The following CDH18 variants were observed in gnomAD, a reference collection of about 807,000 sequenced individuals.
CDH18 encodes the protein cadherin 18.
A neutral mutation model predicts 67.9 loss-of-function variants in CDH18; 31 were observed. The ratio of observed to expected loss-of-function variants is 0.46; its 90% confidence interval spans 0.34 to 0.62. CDH18 has a LOEUF of 0.62. CDH18 is among the 20% of genes least tolerant of loss of function. The probability of loss-of-function intolerance (pLI) is 0.01; values close to 1 mark genes in which losing one functional copy is unlikely to be tolerated. For missense variants in CDH18, 890 were observed against 975.5 expected (o/e 0.91, Z 1.17); for synonymous variants, 362 against 347.2 (o/e 1.04, Z -0.48).
chr5:19,600,343 T>C (rs753258674), intron 6 of CDH18, among the ~76,000 whole-genome samples: 4 of 151,622 alleles, frequency 2.6e-5, no homozygotes, highest in East Asian at 1.9e-4. Flanking sequence ...AACTTAAAAG[T>C]ATAATAATTA....
intron 1 of CDH18, among the ~76,000 whole-genome samples, chr5:20,270,436 A>T (rs1410958717): frequency 6.6e-6 from 1 of 152,112 alleles, no homozygotes; most frequent in Non-Finnish European, 1.5e-5. Context: ...AATGATACAT[A>T]ATTTCACACC....
chr5:19,653,774 T>A (rs910054623), intron 5 of CDH18, among the ~76,000 whole-genome samples: 1 of 152,144 alleles, frequency 6.6e-6, no homozygotes, highest in Non-Finnish European at 1.5e-5. Flanking sequence ...TATCAACTCC[T>A]AGGATCCTTA....
chr5:20,088,330 T>C (rs113904920), intron 2 of CDH18, among the ~76,000 whole-genome samples: 226 of 152,370 alleles, frequency 1.5e-3, no homozygotes, highest in African/African-American at 5.0e-3. Flanking sequence ...ACAAAGGGAT[T>C]GGCCTTGTTG....
chr5:19,714,928 A>T (rs1034218322), intron 5 of CDH18, among the ~76,000 whole-genome samples: 1 of 152,090 alleles, frequency 6.6e-6, no homozygotes, highest in Non-Finnish European at 1.5e-5. Context: ...TTATAAAAAG[A>T]TAAATTGACA....
At chr5:20,234,436 T>C (rs150823614) in intron 2 of CDH18, among the ~76,000 whole-genome samples, 66 of 152,240 alleles carry the variant, frequency 4.3e-4, no homozygotes, top group Admixed American at 5.2e-4. Flanking sequence ...TTCCAGATCA[T>C]CAGTTCCCAT....
At chr5:20,537,374 T>G (rs1236960888) in intron 1 of CDH18, among the ~76,000 whole-genome samples, 2 of 147,568 alleles carry the variant, frequency 1.4e-5, no homozygotes, top group Non-Finnish European at 3.0e-5. Context: ...ATTATAACAA[T>G]GCTAACATGT....
At chr5:20,156,750 C>G (rs552998634) in intron 2 of CDH18, among the ~76,000 whole-genome samples, 2 of 152,162 alleles carry the variant, frequency 1.3e-5, no homozygotes, top group Non-Finnish European at 2.9e-5. Flanking sequence ...GGAAGTACCA[C>G]CAGACCTACT....
At chr5:19,645,978 T>C (rs1170507845) in intron 5 of CDH18, among the ~76,000 whole-genome samples, 1 of 152,076 alleles carries the variant, frequency 6.6e-6, no homozygotes, top group Non-Finnish European at 1.5e-5. Context: ...ATACAATATA[T>C]GGAAGCAAGA....
chr5:20,480,748 G>GT (rs1280930243), intron 1 of CDH18, among the ~76,000 whole-genome samples: 3 of 151,964 alleles, frequency 2.0e-5, no homozygotes, highest in East Asian at 1.9e-4. Context: ...AATTTTATTT[G>GT]TTTTTTCAAT....
intron 1 of CDH18, among the ~76,000 whole-genome samples, chr5:20,509,540 A>T (rs1754886781): frequency 7.9e-6 from 1 of 126,036 alleles, no homozygotes; most frequent in Non-Finnish European, 1.7e-5. Flanking sequence ...CCTCCCTAGT[A>T]TCTGGGACTA....
At chr5:19,977,492 A>G (rs1432630776) in intron 2 of CDH18, among the ~76,000 whole-genome samples, 1 of 152,188 alleles carries the variant, frequency 6.6e-6, no homozygotes, top group East Asian at 1.9e-4. Flanking sequence ...GAAGACTGGC[A>G]TATGTCACTC....
chr5:20,123,917 G>T (rs1384907219), intron 2 of CDH18, among the ~76,000 whole-genome samples: 2 of 150,368 alleles, frequency 1.3e-5, no homozygotes, highest in African/African-American at 4.9e-5. Flanking sequence ...GAATTTACAG[G>T]CCAAAAGTGA....
chr5:19,684,487 A>G (rs932359599), intron 5 of CDH18, among the ~76,000 whole-genome samples: 2 of 150,626 alleles, frequency 1.3e-5, no homozygotes, highest in African/African-American at 4.8e-5. Flanking sequence ...AACTAAATTT[A>G]TATGTATAAT....
In CDH18 at chr5:20,324,697, T is replaced by C. The variant is rs149108671; in HGVS notation, c.-579-69192A>G. ...TTCTATGGGTGAGGGGAGGGTAAAA[T>C]GTAGTAAGAAGGTTCTATGTTGTTT... On this transcript the variant is annotated intron_variant, in intron 1 of 14. Transcript: ENST00000507958. 2.0e-5 allele frequency among the ~76,000 whole-genome samples: 3 copies of C among 152,244 alleles called. No individual in the cohort carries two copies. In the East Asian group the frequency reaches 5.8e-4, roughly 29 times the overall value.
intron 2 of CDH18, among the ~76,000 whole-genome samples, chr5:20,067,617 G>T (rs756483763): frequency 1.6e-4 from 25 of 151,890 alleles, no homozygotes; most frequent in Non-Finnish European, 1.5e-5. Context: ...AACTAATTAC[G>T]AATTCAGACT....
At chr5:19,586,455 C>T (rs913569571) in intron 7 of CDH18, among the ~76,000 whole-genome samples, 2 of 152,028 alleles carry the variant, frequency 1.3e-5, no homozygotes, top group African/African-American at 4.8e-5. Context: ...CAGAGCACGT[C>T]GTATTTGGTT....
chr5:20,381,359 C>T (rs1160541383), intron 1 of CDH18, among the ~76,000 whole-genome samples: 3 of 151,748 alleles, frequency 2.0e-5, no homozygotes, highest in African/African-American at 4.8e-5. Context: ...GGGGAAGAAA[C>T]TGTATGTGTC....
At chr5:20,319,634 A>G (rs1737805726) in intron 1 of CDH18, among the ~76,000 whole-genome samples, 1 of 152,220 alleles carries the variant, frequency 6.6e-6, no homozygotes, top group Admixed American at 6.5e-5. Context: ...ATGAATTCAC[A>G]TGGCAGACAA....
intron 1 of CDH18, among the ~76,000 whole-genome samples, chr5:20,320,195 T>C (rs1438457121): frequency 6.7e-6 from 1 of 150,272 alleles, no homozygotes; most frequent in Non-Finnish European, 1.5e-5. Context: ...TTTAAGAATC[T>C]TTGAGATATT....
Sources: gnomAD v4.1 joint callset for allele counts (sites outside exome capture counted in the v4.1 genomes callset) on GRCh38, gnomAD v4.1.1 for gene constraint, MANE v1.5 for transcripts, NCBI Gene and HGNC (gene_info 2026-07-23, HGNC 2026-07-21) for gene names.